CDH23: variants seen among roughly 807,000 people sequenced by gnomAD.
CDH23 encodes cadherin related 23.
Under a neutral mutation model 317.1 loss-of-function variants are expected in CDH23, and 189 were observed. That is an observed-to-expected ratio of 0.60 (90% CI 0.53 to 0.67). The LOEUF is 0.67. CDH23 is among the 30% of genes least tolerant of loss of function. CDH23 has a pLI of 0.00. For synonymous variants in CDH23, 1,839 were observed against 1,876.8 expected, an observed-to-expected ratio of 0.98 and a Z score of 0.52; for missense variants, 4,401 against 4,592.4, an observed-to-expected ratio of 0.96 and a Z score of 1.20.
intron 11 of CDH23, among the ~76,000 whole-genome samples, chr10:71,625,157 G>A (rs1437011770): frequency 4.6e-5 from 7 of 152,002 alleles, no homozygotes; most frequent in South Asian, 2.1e-4. Context: ...ACTGGGGGCC[G>A]CTTGGGACCC....
intron 1 of CDH23, among the ~76,000 whole-genome samples, chr10:71,427,195 G>GAGAAAGAA (rs373672706): frequency 0.078 from 7,686 of 98,770 alleles, 502 homozygotes; most frequent in East Asian, 0.11. Context: ...AGGAAGGAAA[G>GAGAAAGAA]AGAAAGAAAG....
chr10:71,605,037 C>T (rs1211712940), intron 9 of CDH23, among the ~76,000 whole-genome samples: 2 of 152,204 alleles, frequency 1.3e-5, no homozygotes, highest in Non-Finnish European at 2.9e-5. Context: ...AAGCAGCCTG[C>T]ATCTAGCACC....
chr10:71,812,873 C>A lies in CDH23; in HGVS notation c.9616C>A (p.Arg3206Ser), dbSNP rs778711089. The A allele has an allele frequency of 6.2e-7, 1 of 1,613,582 alleles. No individual in the cohort carries two copies. Among genetic ancestry groups the A allele is most frequent in the Non-Finnish European group, 8.5e-7 (1 of 1,179,718 alleles). The change falls in exon 68 of 70, where the codon CGT becomes AGT. Residue 3206 changes from arginine to serine, a missense_variant. By Grantham distance (110) the Arg-to-Ser change is moderately radical. Transcript: ENST00000224721. The part of the protein sequence containing the change: ...DNIAKLGQII[R>S]EGPIKGSLLK... ...CATTGCCAAGCTGGGCCAGATCATTCGTGAGGGGCCAATCAAGGTGAGCCT... is the reference window on the plus strand; with the variant it reads ...CATTGCCAAGCTGGGCCAGATCATTAGTGAGGGGCCAATCAAGGTGAGCCT...
intron 14 of CDH23, among the ~76,000 whole-genome samples, chr10:71,669,920 G>A (rs1056204067): frequency 5.9e-5 from 9 of 152,112 alleles, no homozygotes; most frequent in Non-Finnish European, 1.3e-4. Flanking sequence ...AGAATTGCTT[G>A]AACCCGGGAG....
intron 1 of CDH23, among the ~76,000 whole-genome samples, chr10:71,403,383 CTTTCTT>C (rs1847900255): frequency 8.7e-6 from 1 of 115,060 alleles, no homozygotes; most frequent in African/African-American, 4.4e-5. Flanking sequence ...TTCTTTCTTT[CTTTCTT>C]TCTTTCTTTC....
At chr10:71,706,575 G>A (rs1394108130) in intron 25 of CDH23, among the ~76,000 whole-genome samples, 2 of 152,240 alleles carry the variant, frequency 1.3e-5, no homozygotes, top group South Asian at 2.1e-4. Context: ...GATTGTCCGT[G>A]TTGCCATGGT....
At chr10:71,463,016 C>T (rs1851081118) in intron 3 of CDH23, among the ~76,000 whole-genome samples, 1 of 152,218 alleles carries the variant, frequency 6.6e-6, no homozygotes, top group African/African-American at 2.4e-5. Context: ...TGCATTTCCC[C>T]CGTCTAAAAT....
rs761420710 is a variant in CDH23, at chr10:71,695,430, C to T, written c.2302C>T (p.Leu768Phe). The change falls in exon 22 of 70, where the codon CTC (leucine) becomes TTC (phenylalanine). Residue 768 changes from leucine (L) to phenylalanine (F), a missense_variant. Around this residue, in one of 3 missense-constraint regions of CDH23, gnomAD observed 3,068 missense variants for 3,203.3 expected, o/e 0.96. Transcript: ENST00000224721. ...KTGIATVNIT[L>F]LDINDNHPTW... is the part of the protein sequence containing the mutation. ...TATGGCTTCACAGGTAAACATCACC[C>T]TCCTGGACATCAATGACAACCACCC... The T allele has an allele frequency of 6.2e-7, 1 of 1,611,988 alleles. No homozygotes were observed. Among genetic ancestry groups the T allele is most frequent in the African/African-American group, 1.3e-5 (1 of 75,038 alleles).
chr10:71,662,116 G>A (rs957698880), intron 14 of CDH23, among the ~76,000 whole-genome samples: 2 of 151,784 alleles, frequency 1.3e-5, no homozygotes, highest in Admixed American at 6.6e-5. Context: ...CCGGCAGCCT[G>A]GGGCTGTAAA....
rs1247868660 is a variant in CDH23, at chr10:71,694,266, G to A, written c.2289+7G>A. Reference sequence around the variant, plus strand: ...GAAAACTGGCATCGCCACCGTGAGTGCGCTCCCCTCCCGTGCCCCAGCTCC... The same window carrying A: ...GAAAACTGGCATCGCCACCGTGAGTACGCTCCCCTCCCGTGCCCCAGCTCC... On this transcript the variant is annotated splice_region_variant and intron_variant, in intron 21 of 69. Transcript: ENST00000224721. The A allele has an allele frequency of 6.2e-7, 1 of 1,605,982 alleles. No homozygotes were observed. The highest frequency in any genetic ancestry group is 1.1e-5 in the South Asian group (1 of 90,732).
intron 6 of CDH23, among the ~76,000 whole-genome samples, chr10:71,514,141 C>T (rs1485150909): frequency 6.6e-6 from 1 of 152,120 alleles, no homozygotes; most frequent in Non-Finnish European, 1.5e-5. Context: ...AGGAGGACCA[C>T]TTCTCTCCAG....
chr10:71,562,127 G>A (rs1182752590), intron 6 of CDH23, among the ~76,000 whole-genome samples: 6 of 151,822 alleles, frequency 4.0e-5, no homozygotes, highest in East Asian at 3.9e-4. Context: ...GACACTCCAA[G>A]CCCCACCCCA....
chr10:71,471,942 T>A (rs574145596), intron 3 of CDH23, among the ~76,000 whole-genome samples: 2 of 152,348 alleles, frequency 1.3e-5, no homozygotes, highest in East Asian at 3.9e-4. Flanking sequence ...TAGGTGGTAA[T>A]TGCTTTGAGA....
intron 41 of CDH23, among the ~76,000 whole-genome samples, chr10:71,782,788 T>C (rs1373516052): frequency 6.6e-6 from 1 of 152,136 alleles, no homozygotes; most frequent in African/African-American, 2.4e-5. Flanking sequence ...GACCTTGGGG[T>C]GTCATGCTCA....
At position 71,687,116 on chromosome 10, in the gene CDH23, C is replaced by T. The variant is rs757097858; in HGVS notation, c.1987-531C>T. 3.3e-5 allele frequency among the ~76,000 whole-genome samples: 5 copies of T among 152,346 alleles called. 1 individual carries two copies. The South Asian group carries it at 1.0e-3, about 32-fold the overall frequency. On this transcript the variant is annotated intron_variant, in intron 18 of 69. Transcript: ENST00000224721. ...GTTGTTCTCATGTGCAAGGAGGAAT[C>T]TAGCTGTACCTGCCAGCAGCCAGCC...
chr10:71,434,782 G>C lies in CDH23; in HGVS notation c.-5-5045G>C, dbSNP rs147760478. On this transcript the variant is annotated intron_variant, in intron 1 of 69. Coordinates refer to ENST00000224721, the MANE Select transcript of CDH23 (RefSeq NM_022124.6). ...GAGGGAAGCAGTAGCGGGTGAGGAG[G>C]GGGGAGACTTGCTCACCCCTGATGG... Among the ~76,000 whole-genome samples, 1,262 of 152,220 alleles carry C rather than the reference G, an allele frequency of 8.3e-3. 24 individuals carry two copies. Among genetic ancestry groups the C allele is most frequent in the African/African-American group, 0.028 (1,178 of 41,528 alleles).
intron 69 of CDH23, among the ~76,000 whole-genome samples, chr10:71,814,745 C>A (rs1029251622): frequency 6.6e-6 from 1 of 152,086 alleles, no homozygotes; most frequent in African/African-American, 2.4e-5. Flanking sequence ...CAGATTTTCA[C>A]AAGAAGCCAA....
chr10:71,669,683 G>A (rs1334632504), intron 14 of CDH23, among the ~76,000 whole-genome samples: 1 of 152,132 alleles, frequency 6.6e-6, no homozygotes, highest in Non-Finnish European at 1.5e-5. Flanking sequence ...CTTGATCTCA[G>A]GTGATCTGCC....
At chr10:71,487,059 A>G (rs981142780) in intron 3 of CDH23, among the ~76,000 whole-genome samples, 1 of 152,066 alleles carries the variant, frequency 6.6e-6, no homozygotes, top group Non-Finnish European at 1.5e-5. Flanking sequence ...CACCTCCCCA[A>G]GGTGCATCTA....
Sources: allele counts gnomAD v4.1 joint callset (sites outside exome capture counted in the v4.1 genomes callset), GRCh38; gene constraint gnomAD v4.1.1; regional missense constraint gnomAD v4.1.1; transcripts MANE v1.5; gene names NCBI Gene and HGNC (gene_info 2026-07-23, HGNC 2026-07-21).